Variants in RELN observed in about 807,000 individuals in gnomAD.
RELN encodes reelin.
A neutral mutation model predicts 427.6 loss-of-function variants in RELN; 108 were observed. The ratio of observed to expected loss-of-function variants is 0.25; its 90% CI spans 0.22 to 0.30. The LOEUF is 0.30. RELN is among the 10% of genes least tolerant of loss of function. The probability of loss-of-function intolerance (pLI) is 1.00; values close to 1 mark genes in which losing one functional copy is unlikely to be tolerated. For missense variants in RELN, 3,715 were observed against 4,302.8 expected, an observed-to-expected ratio of 0.86 and a Z score of 3.82; for synonymous variants, 1,524 against 1,513.4, an observed-to-expected ratio of 1.01 and a Z score of -0.16.
intron 46 of RELN, among the ~76,000 whole-genome samples, chr7:103,528,187 T>C (rs777256715): frequency 6.6e-6 from 1 of 152,206 alleles, no homozygotes; most frequent in Non-Finnish European, 1.5e-5. Flanking sequence ...AAATGTGGTA[T>C]ATCCATAAAA....
chr7:103,589,497 T>C, intron 28 of RELN, 99 bp downstream of exon 28: 1 of 803,238 alleles, frequency 1.2e-6, no homozygotes, highest in Non-Finnish European at 2.2e-6. Flanking sequence ...AATTGTATTT[T>C]CGGGGTTTTG....
intron 20 of RELN, among the ~76,000 whole-genome samples, chr7:103,622,273 G>T (rs1446146751): frequency 6.6e-6 from 1 of 152,090 alleles, no homozygotes; most frequent in Admixed American, 6.5e-5. Flanking sequence ...TTAGAATATG[G>T]CCATTAAATT....
At chr7:103,894,607 A>G (rs1320815128) in intron 2 of RELN, among the ~76,000 whole-genome samples, 1 of 152,156 alleles carries the variant, frequency 6.6e-6, no homozygotes, top group Non-Finnish European at 1.5e-5. Flanking sequence ...AAAAAAAGAA[A>G]ATGGGAAGTC....
intron 46 of RELN, among the ~76,000 whole-genome samples, 192 bp downstream of exon 46, chr7:103,535,124 A>C (rs569553678): frequency 6.6e-6 from 1 of 152,236 alleles, no homozygotes; most frequent in Non-Finnish European, 1.5e-5. Flanking sequence ...TTGGGAAAAC[A>C]TGGAATAATG....
At position 103,989,519 on chromosome 7, in the gene RELN, G is replaced by T; in HGVS notation, c.-163C>A. On this transcript the variant is annotated 5_prime_UTR_variant, in exon 1 of 65. Transcript: ENST00000428762. This position sits in a 1 kb window ranked among gnomAD's most constrained non-coding sequence, Gnocchi z 4.9. ...CCTGGGAGCGGGCCCCCGCCGAGAA[G>T]TTCCGCGGGAGACGGCGGCTCCCAA... 1.8e-6 allele frequency: 1 copy of T among 550,038 alleles called. No individual in the cohort carries two copies. The highest frequency in any genetic ancestry group is 4.4e-5 in the Admixed American group (1 of 22,760). The allele number at this position is 550,038 out of a possible 1,614,324, so 34.1% of individuals were successfully genotyped here.
rs1830750781 is a variant in RELN at position 103,566,326 on chromosome 7, C to T, written c.4834G>A (p.Gly1612Ser). The T allele has an allele frequency of 6.2e-7, 1 of 1,614,000 alleles. No individual in the cohort carries two copies. The highest frequency in any genetic ancestry group is 2.2e-5 in the East Asian group (1 of 44,868). ...CAGTTGGCTTGCAAATCTATAGAGC[C>T]ATCAAATTTGTCTTGAAATCCAGTT... ...SQTGFQDKFD[G>S]SIDLQANWYR... is the part of the protein sequence containing the mutation. Residue 1612 changes from glycine (G) to serine (S), a missense_variant, in exon 33 of 65, where the codon GGC becomes AGC. Transcript: ENST00000428762.
chr7:103,472,987 A>G (rs1827907950), intron 64 of RELN, 79 bp from the exon 65 acceptor site: 1 of 1,127,908 alleles, frequency 8.9e-7, no homozygotes, highest in Non-Finnish European at 1.4e-6. Context: ...CGTGCAATCT[A>G]TTCTAGGTCC....
At chr7:103,854,727 C>T (rs1263859620) in intron 2 of RELN, among the ~76,000 whole-genome samples, 1 of 152,148 alleles carries the variant, frequency 6.6e-6, no homozygotes, top group Non-Finnish European at 1.5e-5. Flanking sequence ...CTGCGGTACC[C>T]TTCAAGGGAA....
At chr7:103,554,951 C>A (rs368703686) in intron 38 of RELN, among the ~76,000 whole-genome samples, 1 of 152,094 alleles carries the variant, frequency 6.6e-6, no homozygotes, top group South Asian at 2.1e-4. Flanking sequence ...TGCCCTGATA[C>A]GTAATTGCAT....
intron 2 of RELN, among the ~76,000 whole-genome samples, chr7:103,896,707 T>C (rs1360144621): frequency 6.6e-6 from 1 of 152,058 alleles, no homozygotes; most frequent in Non-Finnish European, 1.5e-5. Flanking sequence ...TCTCACCTCA[T>C]ATATCCTTAA....
chr7:103,555,632 CA>C (rs1452866355), intron 38 of RELN, among the ~76,000 whole-genome samples: 1 of 152,038 alleles, frequency 6.6e-6, no homozygotes, highest in Non-Finnish European at 1.5e-5. Context: ...CCACCACGCC[CA>C]GCTAATTTTT....
intron 12 of RELN, among the ~76,000 whole-genome samples, chr7:103,659,436 A>G (rs970007527): frequency 1.3e-5 from 2 of 152,160 alleles, no homozygotes; most frequent in African/African-American, 2.4e-5. Flanking sequence ...TTCTAGTTCC[A>G]TCTTACGTGC....
At chr7:103,783,969 G>A (rs369738742) in intron 3 of RELN, among the ~76,000 whole-genome samples, 1 of 150,522 alleles carries the variant, frequency 6.6e-6, no homozygotes, top group African/African-American at 2.4e-5. Context: ...GTAGTTGCAG[G>A]ATATGTAACA....
chr7:103,877,471 A>G lies in RELN; in HGVS notation c.337+39604T>C, dbSNP rs75255336. 3.9e-3 allele frequency among the ~76,000 whole-genome samples: 598 copies of G among 152,150 alleles called. 22 individuals are homozygous for G. The East Asian group carries it at 0.072, about 18-fold the overall frequency. ...CAAAATTGTAGATTTTATTTCTGTAATATTTCTTAAGTATATGCACTTCTC... is the reference window on the plus strand; with the variant it reads ...CAAAATTGTAGATTTTATTTCTGTAGTATTTCTTAAGTATATGCACTTCTC... On this transcript the variant is annotated intron_variant, in intron 2 of 64. Transcript: ENST00000428762.
chr7:103,522,222 G>GA, intron 47 of RELN, 23 bp from the exon 48 acceptor site: 2 of 1,612,452 alleles, frequency 1.2e-6, no homozygotes, highest in Middle Eastern at 1.8e-4. Context: ...CAAGAGAGAG[G>GA]AAAAGTCAAC....
In RELN at chr7:103,749,517, G is replaced by T; in HGVS notation, c.578-13C>A. 6.3e-7 allele frequency: 1 copy of T among 1,591,664 alleles called. No homozygotes were observed. The highest frequency in any genetic ancestry group is 8.6e-7 in the Non-Finnish European group (1 of 1,159,808). ...CTATGTATTTCAGCTAAAAGAAAAAGGAAGTATTTAGGAAAGAAATATACT... is the reference window on the plus strand; with the variant it reads ...CTATGTATTTCAGCTAAAAGAAAAATGAAGTATTTAGGAAAGAAATATACT... On this transcript the variant is annotated splice_polypyrimidine_tract_variant and intron_variant, in intron 5 of 64. Coordinates refer to ENST00000428762, the MANE Select transcript of RELN (RefSeq NM_005045.4).
intron 8 of RELN, among the ~76,000 whole-genome samples, chr7:103,714,477 A>C (rs1410019604): frequency 6.6e-6 from 1 of 152,150 alleles, no homozygotes; most frequent in Non-Finnish European, 1.5e-5. Flanking sequence ...GAATGGCTAC[A>C]TAGGGAATGC....
intron 12 of RELN, among the ~76,000 whole-genome samples, chr7:103,657,268 G>A (rs2117402563): frequency 6.6e-6 from 1 of 152,054 alleles, no homozygotes; most frequent in Admixed American, 6.6e-5. Flanking sequence ...TCAGTGTTAT[G>A]ATAAATACAG....
intron 1 of RELN, among the ~76,000 whole-genome samples, chr7:103,969,118 T>C (rs2116811625): frequency 6.6e-6 from 1 of 150,790 alleles, no homozygotes; most frequent in Admixed American, 6.6e-5. Context: ...ATCCTTGTTT[T>C]CCCACTCATA....
Sources: allele counts gnomAD v4.1 joint callset (sites outside exome capture counted in the v4.1 genomes callset), GRCh38; gene constraint gnomAD v4.1.1; non-coding constraint Gnocchi (gnomAD v3.1); transcripts MANE v1.5; gene names NCBI Gene and HGNC (gene_info 2026-07-23, HGNC 2026-07-21).